The following DPY19L3 variants were observed in gnomAD, a reference collection of about 807,000 sequenced individuals.
DPY19L3 encodes the protein protein C-mannosyl-transferase DPY19L3.
A neutral mutation model predicts 92.3 loss-of-function variants in DPY19L3; 51 were observed. The ratio of observed to expected loss-of-function variants is 0.55; its 90% confidence interval spans 0.44 to 0.70. The LOEUF (loss-of-function observed/expected upper bound fraction) is 0.70. Among genes scored for constraint, DPY19L3 ranks in the 30% least tolerant of loss-of-function variants. The pLI is 0.00. For synonymous variants in DPY19L3, 309 were observed against 315.2 expected, an observed-to-expected ratio of 0.98 and a Z score of 0.21; for missense variants, 706 against 855.9, an observed-to-expected ratio of 0.82 and a Z score of 2.18.
intron 16 of DPY19L3, among the ~76,000 whole-genome samples, chr19:32,473,490 T>C (rs970998237): frequency 2.0e-5 from 3 of 152,214 alleles, no homozygotes; most frequent in African/African-American, 7.2e-5. Flanking sequence ...ACTGTGCATG[T>C]TTTCAGCTAA....
chr19:32,479,944 A>C (rs1474826483), intron 17 of DPY19L3, among the ~76,000 whole-genome samples: 1 of 152,194 alleles, frequency 6.6e-6, no homozygotes, highest in East Asian at 1.9e-4. Context: ...CCTTCTCCCC[A>C]CCTACCAGTT....
intron 10 of DPY19L3, among the ~76,000 whole-genome samples, chr19:32,457,239 G>C (rs954124444): frequency 6.6e-6 from 1 of 152,186 alleles, no homozygotes; most frequent in Non-Finnish European, 1.5e-5. Flanking sequence ...AATTTTCCTT[G>C]AAAGTCCTTG....
intron 16 of DPY19L3, among the ~76,000 whole-genome samples, chr19:32,472,562 T>A (rs1030375759): frequency 6.6e-6 from 1 of 151,444 alleles, no homozygotes; most frequent in Admixed American, 6.6e-5. Flanking sequence ...TTCTGGTGTC[T>A]CTTTCAGCAA....
intron 8 of DPY19L3, among the ~76,000 whole-genome samples, chr19:32,447,720 CATAGATAGATAGATAGATAGATAG>C (rs56116714): frequency 3.9e-4 from 51 of 131,728 alleles, no homozygotes; most frequent in East Asian, 6.6e-4. Context: ...CCGTCTCATT[CATAGATAGATAGATAGATAGATAG>C]ATAGATAGAT....
intron 3 of DPY19L3, among the ~76,000 whole-genome samples, chr19:32,430,856 G>C (rs192445454): frequency 6.8e-6 from 1 of 147,190 alleles, no homozygotes; most frequent in Non-Finnish European, 1.5e-5. Flanking sequence ...TTGAACTCCT[G>C]AGCTCAAGCA....
At chr19:32,453,098 A>C (rs764017568) in intron 8 of DPY19L3, 47 bp from the exon 9 acceptor site, 62 of 1,607,430 alleles carry the variant, frequency 3.9e-5, no homozygotes, top group Non-Finnish European at 5.3e-5. Context: ...ACATGTGATG[A>C]TCTCTTGGTA....
At chr19:32,423,232 G>T (rs1968634164) in intron 3 of DPY19L3, among the ~76,000 whole-genome samples, 1 of 151,850 alleles carries the variant, frequency 6.6e-6, no homozygotes, top group South Asian at 2.1e-4. Flanking sequence ...TGTAGGTCTT[G>T]TCATTAATTT....
chr19:32,445,713 G>A (rs920810269), intron 8 of DPY19L3, among the ~76,000 whole-genome samples: 11 of 151,928 alleles, frequency 7.2e-5, no homozygotes, highest in Admixed American at 1.3e-4. Flanking sequence ...TCTAAATTAC[G>A]TTTGAGGCTG....
rs1969756447 is a variant in DPY19L3 at position 32,453,089 on chromosome 19, CAT to C, written c.856-55_856-54del. The C allele has an allele frequency of 5.0e-6, 8 of 1,599,576 alleles. No homozygotes were observed. In the East Asian group the frequency reaches 1.1e-4, roughly 22 times the overall value. On this transcript the variant is annotated intron_variant, in intron 8 of 18. Coordinates refer to ENST00000392250, the MANE Select transcript of DPY19L3 (RefSeq NM_001172774.2). ...ATCCACCTCATGACCAACATGTCGA[CAT>C]GTGATGATCTCTTGGTAAAATGTCT...
At position 32,484,802 on chromosome 19, in the gene DPY19L3, G is replaced by A. The variant is rs941733807; in HGVS notation, c.*2562G>A. ...TCACATACACACAGAAAATACGGGTGTGAAAAGAAAGAATTTTCTGTAAAA... is the reference window on the plus strand; with the variant it reads ...TCACATACACACAGAAAATACGGGTATGAAAAGAAAGAATTTTCTGTAAAA... On this transcript the variant is annotated 3_prime_UTR_variant, in exon 19 of 19. Coordinates refer to ENST00000392250, the MANE Select transcript of DPY19L3 (RefSeq NM_001172774.2). 2 of 152,192 alleles carry A rather than the reference G, an allele frequency of 1.3e-5. No individual in the cohort carries two copies. Among genetic ancestry groups the A allele is most frequent in the Admixed American group, 6.5e-5 (1 of 15,288 alleles). The allele number at this position is 152,192 out of a possible 1,614,324, so 9.4% of individuals were successfully genotyped here.
chr19:32,458,051 C>A (rs1443296401), intron 10 of DPY19L3, 49 bp from the exon 11 acceptor site: 1 of 1,407,838 alleles, frequency 7.1e-7, no homozygotes, highest in Admixed American at 1.8e-5. Flanking sequence ...TATCAGGAAA[C>A]CGTGCCTAAA....
chr19:32,411,655 C>T, intron 3 of DPY19L3: 1 of 379,640 alleles, frequency 2.6e-6, no homozygotes, highest in Admixed American at 4.3e-5. Context: ...ACAACCTCTG[C>T]CTCGCAGGTT....
chr19:32,423,573 T>G (rs1034642667), intron 3 of DPY19L3, among the ~76,000 whole-genome samples: 1 of 151,908 alleles, frequency 6.6e-6, no homozygotes, highest in Non-Finnish European at 1.5e-5. Flanking sequence ...GCCATTACTT[T>G]TAAATGGCAA....
At chr19:32,410,898 A>G (rs1056173134) in intron 2 of DPY19L3, among the ~76,000 whole-genome samples, 3 of 152,366 alleles carry the variant, frequency 2.0e-5, no homozygotes, top group Admixed American at 6.5e-5. Context: ...CACGTAACAC[A>G]TTTAGTCATC....
At position 32,453,239 on chromosome 19, in the gene DPY19L3, G is replaced by A. The variant is rs1969762941; in HGVS notation, c.950G>A (p.Ser317Asn). 2 of 1,613,664 alleles carry A rather than the reference G, an allele frequency of 1.2e-6. No individual in the cohort carries two copies. Among genetic ancestry groups the A allele is most frequent in the Non-Finnish European group, 1.7e-6 (2 of 1,179,898 alleles). ...NSMILGSLLI[S>N]FNLSVFIARK... ...ATGATTCTTGGATCACTGCTTATCAGTTTTAACCTTTCAGTATTCATTGCA... is the reference window on the plus strand; with the variant it reads ...ATGATTCTTGGATCACTGCTTATCAATTTTAACCTTTCAGTATTCATTGCA... The change falls in exon 9 of 19, where the codon AGT (serine) becomes AAT (asparagine). Residue 317 changes from serine to asparagine, a missense_variant. Coordinates refer to ENST00000392250, the MANE Select transcript of DPY19L3 (RefSeq NM_001172774.2).
chr19:32,425,696 ATTTT>A (rs1240469471), intron 3 of DPY19L3, among the ~76,000 whole-genome samples: 1 of 151,224 alleles, frequency 6.6e-6, no homozygotes, highest in Non-Finnish European at 1.5e-5. Flanking sequence ...TTTGAAAAGA[ATTTT>A]TTTTTTCTGT....
intron 3 of DPY19L3, among the ~76,000 whole-genome samples, chr19:32,422,057 T>C (rs1477458299): frequency 6.6e-6 from 1 of 152,184 alleles, no homozygotes; most frequent in East Asian, 1.9e-4. Context: ...CCACATGAAC[T>C]TCCTGCAAGT....
In DPY19L3 at chr19:32,482,154, AG is replaced by A; in HGVS notation, c.2066del (p.Arg689LysfsTer50). The stretch of plus-strand genomic sequence containing the variant: ...CCCTCGCTTCTGTGAAGAGATCAAA[AG>A]AAACCTGCCTCCCTACGTGGCCTAC... ...DHPRFCEEIK[R>X]NLPPYVAYFT... On this transcript the variant is annotated frameshift_variant, in exon 19 of 19. Transcript: ENST00000392250. LOFTEE classifies it high-confidence loss of function. 6.2e-7 allele frequency: 1 copy of A among 1,613,890 alleles called. No individual in the cohort carries two copies. The highest frequency in any genetic ancestry group is 1.3e-5 in the African/African-American group (1 of 75,018).
chr19:32,407,491 C>G lies in DPY19L3; in HGVS notation c.-37-726C>G, dbSNP rs150655148. On this transcript the variant is annotated intron_variant, in intron 1 of 18. Coordinates refer to ENST00000392250, the MANE Select transcript of DPY19L3 (RefSeq NM_001172774.2). ...TGGAGTATCTCCCACGTGGCCACTT[C>G]TGTGGGAGGTACTGAAGACCTACTA... Among the ~76,000 whole-genome samples, 318 of 152,328 alleles carry G rather than the reference C, an allele frequency of 2.1e-3. 1 individual carries two copies. Among genetic ancestry groups the G allele is most frequent in the African/African-American group, 6.6e-3 (276 of 41,570 alleles).
Sources: allele counts gnomAD v4.1 joint callset (sites outside exome capture counted in the v4.1 genomes callset), GRCh38; gene constraint gnomAD v4.1.1; transcripts MANE v1.5; gene names NCBI Gene and HGNC (gene_info 2026-07-23, HGNC 2026-07-21).